Variants in LRRC2 observed in about 807,000 individuals in gnomAD.
LRRC2 encodes leucine-rich repeat-containing protein 2.
A neutral mutation model predicts 40.2 loss-of-function variants in LRRC2; 27 were observed. That is an observed-to-expected ratio of 0.67 (90% confidence interval 0.49 to 0.93). LRRC2 has a LOEUF of 0.93. Ranked by LOEUF, LRRC2 falls within the 40% of genes least tolerant of loss-of-function variation. The pLI, the probability that LRRC2 is intolerant of heterozygous loss-of-function variation, is 0.00. For synonymous variants in LRRC2, 147 were observed against 158.9 expected, an observed-to-expected ratio of 0.92 and a Z score of 0.56; for missense variants, 402 against 439.6, an observed-to-expected ratio of 0.91 and a Z score of 0.76.
At chr3:46,558,205 C>A (rs1274127060) in intron 1 of LRRC2, 1 of 152,258 alleles carries the variant, frequency 6.6e-6, no homozygotes, top group East Asian at 1.9e-4. Context: ...TTCCTACTAC[C>A]TTGCCCCTCC....
At chr3:46,535,600 A>G (rs903584854) in intron 4 of LRRC2, among the ~76,000 whole-genome samples, 3 of 152,194 alleles carry the variant, frequency 2.0e-5, no homozygotes, top group African/African-American at 7.2e-5. Flanking sequence ...TTAAAAAATT[A>G]AAGTATGTGC....
chr3:46,558,540 G>A (rs932699648), intron 1 of LRRC2: 1 of 152,236 alleles, frequency 6.6e-6, no homozygotes, highest in African/African-American at 2.4e-5. Context: ...TAACTTCTTT[G>A]GAGTGCTGGT....
Position 46,519,036 on chromosome 3 carries a change from A to C in LRRC2, c.1094T>G (p.Val365Gly). Reference protein sequence around the residue: ...RESVPSYTTKVSFSLQL With the variant: ...RESVPSYTTKGSFSLQL ...ATATCAAAGTTGAAGGCTAAAAGAC[A>C]CTTTGGTGGTATAGCTGGGAACAGA... The change falls in exon 9 of 9, where the codon GTG (valine) becomes GGG (glycine). Residue 365 changes from valine (V) to glycine (G), a missense_variant. Val to Gly is a moderately radical substitution (Grantham distance 109, BLOSUM62 -3). Coordinates refer to ENST00000395905, the MANE Select transcript of LRRC2 (RefSeq NM_024512.5). 1.9e-6 allele frequency: 3 copies of C among 1,610,136 alleles called. No homozygotes were observed. The East Asian group carries it at 6.7e-5, about 36-fold the overall frequency.
chr3:46,543,650 A>T (rs943559942), intron 3 of LRRC2, among the ~76,000 whole-genome samples: 20 of 46,286 alleles, frequency 4.3e-4, no homozygotes, highest in Non-Finnish European at 4.7e-4. Flanking sequence ...TAATAATAAT[A>T]AATAATAAAT....
intron 4 of LRRC2, among the ~76,000 whole-genome samples, chr3:46,534,834 A>G (rs1194594466): frequency 1.3e-5 from 2 of 152,188 alleles, no homozygotes; most frequent in African/African-American, 4.8e-5. Flanking sequence ...TAAGAGATCA[A>G]ACCCCACCTC....
Position 46,530,757 on chromosome 3 carries a change from C to T in LRRC2, c.628-707G>A, listed in dbSNP as rs1418076194. Among the ~76,000 whole-genome samples, 7 of 152,234 alleles carry T rather than the reference C, an allele frequency of 4.6e-5. No individual in the cohort carries two copies. The South Asian group carries it at 6.2e-4, about 14-fold the overall frequency. Reference sequence around the variant, plus strand: ...CCAGATCTCATGAGATTTATTCTCACGAGAACAGCACAAGAAAGACCTGCT... The same window carrying T: ...CCAGATCTCATGAGATTTATTCTCATGAGAACAGCACAAGAAAGACCTGCT... On this transcript the variant is annotated intron_variant, in intron 5 of 8. Coordinates refer to ENST00000395905, the MANE Select transcript of LRRC2 (RefSeq NM_024512.5).
intron 3 of LRRC2, among the ~76,000 whole-genome samples, chr3:46,540,071 G>A (rs952762188): frequency 3.6e-4 from 55 of 152,232 alleles, no homozygotes; most frequent in African/African-American, 1.2e-3. Flanking sequence ...GGCAGTTGAA[G>A]GGGAGGTGGA....
At chr3:46,563,385 C>T (rs1704989547) in intron 1 of LRRC2, among the ~76,000 whole-genome samples, 1 of 152,160 alleles carries the variant, frequency 6.6e-6, no homozygotes. Context: ...CTGGCATGGT[C>T]TGCCCTCGGC....
In LRRC2 at chr3:46,522,783, ACACACACACACACAC is replaced by A. The variant is rs1703989199; in HGVS notation, c.930-1140_930-1126del. ...CTAACACACACACACACACACACAC[ACACACACACACACAC>A]ACACACACACAAGCTAAAGGGGGGA... On this transcript the variant is annotated intron_variant, in intron 7 of 8. Transcript: ENST00000395905. 3.3e-5 allele frequency among the ~76,000 whole-genome samples: 5 copies of A among 151,544 alleles called. No individual in the cohort carries two copies. In the South Asian group the frequency reaches 8.4e-4, roughly 25 times the overall value.
chr3:46,547,706 ATG>A (rs61273277), intron 2 of LRRC2, among the ~76,000 whole-genome samples: 56,633 of 149,738 alleles, frequency 0.38, 11,150 homozygotes, highest in Non-Finnish European at 0.45. Flanking sequence ...GTGTGTGTGT[ATG>A]TGTGTGTGTG....
chr3:46,545,312 G>A lies in LRRC2; in HGVS notation c.126-59C>T. 7 of 1,501,586 alleles carry A rather than the reference G, an allele frequency of 4.7e-6. No homozygotes were observed. The East Asian group carries it at 1.2e-4, about 25-fold the overall frequency. 93.0% of individuals were successfully genotyped at this position (1,501,586 alleles called of 1,614,324 possible). A position where few individuals can be genotyped will look rare whatever the true frequency, so the allele number is the denominator to read the frequency against. On this transcript the variant is annotated intron_variant, in intron 2 of 8. Coordinates refer to ENST00000395905, the MANE Select transcript of LRRC2 (RefSeq NM_024512.5). ...CTGGGGACTGGCCATCACCTGCCTA[G>A]AGAAGTGAGTCAGCCACCTGGGCAT...
intron 4 of LRRC2, among the ~76,000 whole-genome samples, chr3:46,537,953 C>G (rs911822291): frequency 3.9e-5 from 6 of 152,242 alleles, no homozygotes; most frequent in African/African-American, 1.4e-4. Context: ...ACCACTTTTA[C>G]AGCAAGTGGT....
rs1703916582 is a variant in LRRC2, at chr3:46,518,925, A to G, written c.*89T>C. On this transcript the variant is annotated 3_prime_UTR_variant, in exon 9 of 9. Transcript: ENST00000395905. Reference sequence around the variant, plus strand: ...TGGTTTCTAGACTTTGTCCTTAAGCACAAGCCATTCTTCCTATATGACATG... The same window carrying G: ...TGGTTTCTAGACTTTGTCCTTAAGCGCAAGCCATTCTTCCTATATGACATG... The G allele has an allele frequency of 1.0e-6, 1 of 959,540 alleles. No homozygotes were observed. The highest frequency in any genetic ancestry group is 1.7e-6 in the Non-Finnish European group (1 of 596,954). The allele number at this position is 959,540 out of a possible 1,614,324, so 59.4% of individuals were successfully genotyped here. A position where few individuals can be genotyped will look rare whatever the true frequency, so the allele number is the denominator to read the frequency against.
chr3:46,558,766 G>A (rs1216908393), intron 1 of LRRC2: 2 of 152,212 alleles, frequency 1.3e-5, no homozygotes, highest in East Asian at 3.9e-4. Flanking sequence ...GCCAAGCAGC[G>A]AAGATTTAAG....
At chr3:46,529,807 C>A (rs893888067) in intron 6 of LRRC2, 98 bp downstream of exon 6, 1 of 1,269,242 alleles carries the variant, frequency 7.9e-7, no homozygotes. Flanking sequence ...TAGTTGATTC[C>A]AAAGAACATT....
rs1229140903 is a variant in LRRC2, at chr3:46,521,672, C to T, written c.930-14G>A. 10 of 1,602,628 alleles carry T rather than the reference C, an allele frequency of 6.2e-6. No individual in the cohort carries two copies. Among genetic ancestry groups the T allele is most frequent in the Non-Finnish European group, 8.5e-6 (10 of 1,176,458 alleles). ...AGGCTTACAAATCTATTCGAGAAAGCATGGGAAGTATCACATTATCACCTG... is the reference window on the plus strand; with the variant it reads ...AGGCTTACAAATCTATTCGAGAAAGTATGGGAAGTATCACATTATCACCTG... On this transcript the variant is annotated splice_polypyrimidine_tract_variant and intron_variant, in intron 7 of 8. Coordinates refer to ENST00000395905, the MANE Select transcript of LRRC2 (RefSeq NM_024512.5).
intron 2 of LRRC2, among the ~76,000 whole-genome samples, chr3:46,549,180 TAGG>T (rs1217374281): frequency 9.2e-5 from 14 of 152,188 alleles, no homozygotes; most frequent in Non-Finnish European, 4.4e-5. Context: ...CAGAACAAGC[TAGG>T]AGGTTTTATT....
intron 7 of LRRC2, among the ~76,000 whole-genome samples, chr3:46,524,407 G>C (rs1704020437): frequency 6.6e-6 from 1 of 152,172 alleles, no homozygotes; most frequent in Admixed American, 6.5e-5. Context: ...GGAGGTTGGG[G>C]GGTGCCTGTT....
chr3:46,544,949 T>A, intron 3 of LRRC2, 97 bp downstream of exon 3: 1 of 1,220,744 alleles, frequency 8.2e-7, no homozygotes, highest in Non-Finnish European at 1.2e-6. Context: ...AAGAACCTCC[T>A]CTAAAGGCAA....
Sources: gnomAD v4.1 joint callset for allele counts (sites outside exome capture counted in the v4.1 genomes callset) on GRCh38, gnomAD v4.1.1 for gene constraint, MANE v1.5 for transcripts, NCBI Gene and HGNC (gene_info 2026-07-23, HGNC 2026-07-21) for gene names.